Variants in ELOVL6 observed in about 807,000 individuals in gnomAD.
The protein encoded by ELOVL6 is ELOVL fatty acid elongase 6.
ELOVL6 carries 8 observed loss-of-function variants against 31.7 expected under a neutral mutation model. That is an observed-to-expected ratio of 0.25 (90% CI 0.15 to 0.45). The LOEUF is 0.45. ELOVL6 is among the 20% of genes least tolerant of loss of function. The pLI, the probability that ELOVL6 is intolerant of heterozygous loss-of-function variation, is 1.00. For synonymous variants in ELOVL6, 101 were observed against 117.7 expected, an observed-to-expected ratio of 0.86 and a Z score of 0.92; for missense variants, 126 against 326.4, an observed-to-expected ratio of 0.39 and a Z score of 4.73.
At position 110,051,377 on chromosome 4, in the gene ELOVL6, G is replaced by A; in HGVS notation, c.759C>T (p.Ala253=). 2 of 1,614,148 alleles carry A rather than the reference G, an allele frequency of 1.2e-6. No individual in the cohort carries two copies. The highest frequency in any genetic ancestry group is 1.7e-6 in the Non-Finnish European group (2 of 1,180,004). ...TTGTTTTCCTCATTTTGCCGATGTA[G>A]GCCTCAAAGAAGAAATGGCAGAAGA... The part of the protein sequence containing the change: ...LVLFCHFFFE[A]YIGKMRKTTK... The change falls in exon 4 of 4, where the codon GCC becomes GCT. Residue 253 remains alanine, a synonymous_variant. Coordinates refer to ENST00000302274, the MANE Select transcript of ELOVL6 (RefSeq NM_024090.3). This position sits in a 1 kb window ranked among gnomAD's most constrained non-coding sequence, Gnocchi z 4.8.
chr4:110,190,801 G>A (rs879852615), intron 1 of ELOVL6, among the ~76,000 whole-genome samples: 14 of 150,356 alleles, frequency 9.3e-5, no homozygotes, highest in African/African-American at 3.2e-4. Context: ...CACCATGCCC[G>A]GCCACTTTTT....
rs1276844388 is a variant in ELOVL6 at position 110,048,109 on chromosome 4, T to C, written c.*3229A>G. 1.3e-5 allele frequency: 2 copies of C among 152,096 alleles called. No individual in the cohort carries two copies. The highest frequency in any genetic ancestry group is 2.9e-5 in the Non-Finnish European group (2 of 68,014). The allele number at this position is 152,096 out of a possible 1,614,324, so 9.4% of individuals were successfully genotyped here. ...CAAGCCTTTCTTTTCCCTCTAGCAA[T>C]GTACATGTAAAGTATTCCCTCTTCT... is the stretch of plus-strand genomic sequence containing the variant. On this transcript the variant is annotated 3_prime_UTR_variant, in exon 4 of 4. Coordinates refer to ENST00000302274, the MANE Select transcript of ELOVL6 (RefSeq NM_024090.3).
chr4:110,119,523 G>T (rs1163045975), intron 1 of ELOVL6, among the ~76,000 whole-genome samples: 1 of 152,180 alleles, frequency 6.6e-6, no homozygotes, highest in African/African-American at 2.4e-5. Context: ...GCTCCTGCTT[G>T]TGCCTGTCAT....
At chr4:110,183,957 A>G (rs964782066) in intron 1 of ELOVL6, among the ~76,000 whole-genome samples, 5 of 152,156 alleles carry the variant, frequency 3.3e-5, no homozygotes, top group Non-Finnish European at 5.9e-5. Context: ...ACTCCAGCCT[A>G]GGCAACAGAG....
chr4:110,167,404 C>T (rs569835689), intron 1 of ELOVL6, among the ~76,000 whole-genome samples: 16 of 152,196 alleles, frequency 1.1e-4, no homozygotes, highest in Admixed American at 8.5e-4. Flanking sequence ...GCAGAGTTTT[C>T]TGCAACATGT....
At chr4:110,178,559 A>T (rs1759181804) in intron 1 of ELOVL6, among the ~76,000 whole-genome samples, 1 of 152,054 alleles carries the variant, frequency 6.6e-6, no homozygotes, top group Non-Finnish European at 1.5e-5. Context: ...CATCTAAAAA[A>T]AAAAAAAGGA....
At chr4:110,197,293 A>G (rs921967680) in intron 1 of ELOVL6, among the ~76,000 whole-genome samples, 15 of 152,214 alleles carry the variant, frequency 9.9e-5, no homozygotes, top group Admixed American at 1.3e-4. Flanking sequence ...AAGCGAGATG[A>G]GCACACCCTC....
intron 1 of ELOVL6, among the ~76,000 whole-genome samples, chr4:110,162,762 A>C (rs2220031): frequency 1 from 151,772 of 152,292 alleles, 75,629 homozygotes; most frequent in Middle Eastern, 1. Context: ...TTTAAGGTAC[A>C]CAAATGTGAT....
chr4:110,055,364 C>T (rs556278847), intron 3 of ELOVL6, among the ~76,000 whole-genome samples: 61 of 152,236 alleles, frequency 4.0e-4, no homozygotes, highest in African/African-American at 1.3e-3. Context: ...GTTGGCATAA[C>T]GGGAAGGACA....
intron 1 of ELOVL6, among the ~76,000 whole-genome samples, chr4:110,133,523 T>G (rs1757727053): frequency 6.6e-6 from 1 of 152,106 alleles, no homozygotes; most frequent in South Asian, 2.1e-4. Context: ...GTGACAGGCT[T>G]TGGGAAGATG....
intron 1 of ELOVL6, among the ~76,000 whole-genome samples, chr4:110,141,239 T>C (rs1757945015): frequency 6.6e-6 from 1 of 152,086 alleles, no homozygotes; most frequent in Non-Finnish European, 1.5e-5. Context: ...AATTTTGTAT[T>C]TTTAGTAGAG....
At chr4:110,062,363 G>A (rs1335207647) in intron 2 of ELOVL6, among the ~76,000 whole-genome samples, 1 of 152,214 alleles carries the variant, frequency 6.6e-6, no homozygotes, top group Non-Finnish European at 1.5e-5. Flanking sequence ...GTCAGTGCCA[G>A]CCATTGGGCC....
intron 1 of ELOVL6, among the ~76,000 whole-genome samples, chr4:110,142,111 C>A (rs1214561087): frequency 1.4e-5 from 2 of 146,044 alleles, no homozygotes; most frequent in African/African-American, 2.5e-5. Flanking sequence ...CGCTGTGTCA[C>A]CCAGGCTGGA....
intron 1 of ELOVL6, among the ~76,000 whole-genome samples, chr4:110,113,845 C>A (rs1757105741): frequency 6.6e-6 from 1 of 152,158 alleles, no homozygotes; most frequent in Admixed American, 6.5e-5. Context: ...GTTCCAGCAG[C>A]AATTCAATTT....
At chr4:110,155,515 A>G (rs1488022422) in intron 1 of ELOVL6, among the ~76,000 whole-genome samples, 1 of 152,206 alleles carries the variant, frequency 6.6e-6, no homozygotes, top group Non-Finnish European at 1.5e-5. Context: ...AAAGTTTAAC[A>G]ATTTGTATCA....
intron 1 of ELOVL6, among the ~76,000 whole-genome samples, chr4:110,140,153 C>T (rs1409284518): frequency 6.6e-6 from 1 of 152,160 alleles, no homozygotes; most frequent in Non-Finnish European, 1.5e-5. Context: ...CTATATAAGC[C>T]CCCAAACTTG....
intron 1 of ELOVL6, among the ~76,000 whole-genome samples, chr4:110,143,243 T>A (rs1309954830): frequency 2.6e-5 from 4 of 151,970 alleles, no homozygotes; most frequent in Non-Finnish European, 5.9e-5. Context: ...GAAGTGAGAT[T>A]TTCACACAAA....
At chr4:110,087,773 T>A (rs1017168194) in intron 2 of ELOVL6, among the ~76,000 whole-genome samples, 1 of 150,748 alleles carries the variant, frequency 6.6e-6, no homozygotes, top group African/African-American at 2.5e-5. Flanking sequence ...TAATTTTTTT[T>A]AAATAGCTCC....
chr4:110,067,611 T>C (rs1755341361), intron 2 of ELOVL6, among the ~76,000 whole-genome samples: 1 of 152,042 alleles, frequency 6.6e-6, no homozygotes, highest in Non-Finnish European at 1.5e-5. Flanking sequence ...AATCGGTAAA[T>C]AAATTACAAT....
Sources: allele counts gnomAD v4.1 joint callset (sites outside exome capture counted in the v4.1 genomes callset), GRCh38; gene constraint gnomAD v4.1.1; non-coding constraint Gnocchi (gnomAD v3.1); transcripts MANE v1.5; gene names NCBI Gene and HGNC (gene_info 2026-07-23, HGNC 2026-07-21).